Variants in PLCL2 observed in about 807,000 individuals in gnomAD.
PLCL2 encodes the protein phospholipase C like 2, also known as inactive phospholipase C-like protein 2.
Under a neutral mutation model 79.6 loss-of-function variants are expected in PLCL2, and 4 were observed. The ratio of observed to expected loss-of-function variants is 0.05; its 90% CI spans 0.02 to 0.11. PLCL2 has a LOEUF of 0.11. Among genes scored for constraint, PLCL2 ranks in the 10% least tolerant of loss-of-function variants. The pLI, the probability that PLCL2 is intolerant of heterozygous loss-of-function variation, is 1.00. For synonymous variants in PLCL2, 484 were observed against 457.7 expected (o/e 1.06, Z -0.73); for missense variants, 895 against 1,291.0 (o/e 0.69, Z 4.70).
chr3:16,946,685 G>GTT (rs1479938974), intron 1 of PLCL2, among the ~76,000 whole-genome samples: 2 of 151,896 alleles, frequency 1.3e-5, no homozygotes, highest in African/African-American at 4.8e-5. Flanking sequence ...ATTTTGTTTT[G>GTT]TTTTTTCATT....
intron 1 of PLCL2, among the ~76,000 whole-genome samples, chr3:16,895,106 C>A (rs150436256): frequency 0.017 from 2,456 of 141,192 alleles, 80 homozygotes; most frequent in African/African-American, 0.058. Flanking sequence ...GTATCTATAT[C>A]GATATAGATA....
At chr3:16,912,783 T>C (rs990666740) in intron 1 of PLCL2, among the ~76,000 whole-genome samples, 1 of 152,246 alleles carries the variant, frequency 6.6e-6, no homozygotes, top group East Asian at 1.9e-4. Flanking sequence ...GTTAGATCTA[T>C]AAATAATGCA....
intron 1 of PLCL2, among the ~76,000 whole-genome samples, chr3:16,920,420 A>G (rs1195903295): frequency 6.6e-6 from 1 of 152,172 alleles, no homozygotes; most frequent in African/African-American, 2.4e-5. Flanking sequence ...CCACATAAAT[A>G]TTTAAAGTTA....
intron 1 of PLCL2, among the ~76,000 whole-genome samples, chr3:17,008,333 G>T (rs575244779): frequency 1.1e-4 from 17 of 150,346 alleles, no homozygotes; most frequent in African/African-American, 4.2e-4. Flanking sequence ...ACTTTGGAGA[G>T]AGGAATTTCT....
intron 1 of PLCL2, among the ~76,000 whole-genome samples, chr3:16,946,950 A>G (rs1235266275): frequency 2.6e-5 from 2 of 76,996 alleles, no homozygotes; most frequent in African/African-American, 1.1e-4. Flanking sequence ...TTAAAGTTTC[A>G]TTCTTTTTTT....
intron 3 of PLCL2, among the ~76,000 whole-genome samples, chr3:17,041,123 G>A (rs2064716947): frequency 6.6e-6 from 1 of 152,106 alleles, no homozygotes; most frequent in African/African-American, 2.4e-5. Flanking sequence ...TGGTACAAAC[G>A]ACTTTATATC....
intron 1 of PLCL2, among the ~76,000 whole-genome samples, chr3:16,893,642 T>C (rs191493240): frequency 6.6e-6 from 1 of 152,358 alleles, no homozygotes; most frequent in East Asian, 1.9e-4. Context: ...ATGGTTGAAT[T>C]CATTTATTTG....
chr3:16,934,074 C>T (rs1016306532), intron 1 of PLCL2, among the ~76,000 whole-genome samples: 7 of 151,980 alleles, frequency 4.6e-5, no homozygotes, highest in Admixed American at 6.6e-5. Flanking sequence ...CAAAAACAAA[C>T]GAACAAAAAA....
chr3:16,889,270 C>T (rs1013105717), intron 1 of PLCL2, among the ~76,000 whole-genome samples: 2 of 152,076 alleles, frequency 1.3e-5, no homozygotes, highest in African/African-American at 2.4e-5. Context: ...ACTTGTATCC[C>T]GCTTGGGTAT....
chr3:17,024,091 A>C (rs531710718), intron 3 of PLCL2, among the ~76,000 whole-genome samples: 114 of 152,326 alleles, frequency 7.5e-4, no homozygotes, highest in African/African-American at 2.4e-3. Context: ...CAAGAGGTAG[A>C]GTTAGAAGTA....
intron 3 of PLCL2, among the ~76,000 whole-genome samples, chr3:17,030,890 A>G (rs1406074061): frequency 1.3e-5 from 2 of 152,200 alleles, no homozygotes; most frequent in Non-Finnish European, 1.5e-5. Flanking sequence ...TTTCTAAATC[A>G]CCTTCATCCC....
At chr3:16,981,686 G>A (rs570549683) in intron 1 of PLCL2, among the ~76,000 whole-genome samples, 2 of 152,310 alleles carry the variant, frequency 1.3e-5, no homozygotes, top group Admixed American at 1.3e-4. Context: ...AAAAGTAGTT[G>A]TGGTCCACTT....
At position 16,885,178 on chromosome 3, in the gene PLCL2, G is replaced by A. The variant is rs1475775252; in HGVS notation, c.139G>A (p.Ala47Thr). ...GGGGRLGHGR[A>T]RYDSGGVSNG... ...GGGAGGTCGCCTCGGCCACGGGCGG[G>A]CGCGCTATGACAGCGGCGGGGTTTC... The change falls in exon 1 of 6, where the codon GCG (alanine) becomes ACG (threonine). Residue 47 changes from alanine (A) to threonine (T), a missense_variant. Ala to Thr is a moderately conservative substitution (Grantham distance 58). Around this residue, in one of 6 missense-constraint regions of PLCL2, gnomAD observed 110 missense variants for 42.9 expected, o/e 2.56. Transcript: ENST00000615277. 3 of 569,338 alleles carry A rather than the reference G, an allele frequency of 5.3e-6. No homozygotes were observed. Among genetic ancestry groups the A allele is most frequent in the East Asian group, 6.9e-5 (2 of 28,998 alleles). 35.3% of individuals were successfully genotyped at this position (569,338 alleles called of 1,614,324 possible).
intron 1 of PLCL2, among the ~76,000 whole-genome samples, chr3:16,952,734 A>T (rs1365938906): frequency 3.3e-5 from 5 of 151,990 alleles, no homozygotes; most frequent in African/African-American, 9.7e-5. Context: ...ATATAATTTA[A>T]TTTTTTCTTT....
Position 17,010,732 on chromosome 3 carries a change from T to G in PLCL2, c.1386T>G (p.Ala462=). ...GPSDITGYIR[A]LKMGCRSVEL... The stretch of plus-strand genomic sequence containing the variant: ...CCGACATCACAGGATATATTCGAGC[T>G]CTTAAAATGGGTTGCCGGAGTGTTG... The change falls in exon 2 of 6, where the codon GCT becomes GCG. Residue 462 remains alanine (A), a synonymous_variant. Transcript: ENST00000615277. The surrounding 1 kb of genome is among the most constrained non-coding windows in gnomAD (Gnocchi z 5.8). 1 of 1,614,152 alleles carries G rather than the reference T, an allele frequency of 6.2e-7. No individual in the cohort carries two copies. The highest frequency in any genetic ancestry group is 8.5e-7 in the Non-Finnish European group (1 of 1,180,012).
chr3:17,026,843 G>T (rs1300240721), intron 3 of PLCL2, among the ~76,000 whole-genome samples: 1 of 151,858 alleles, frequency 6.6e-6, no homozygotes, highest in Non-Finnish European at 1.5e-5. Context: ...CTCCAGTCTG[G>T]GTGACAGACT....
chr3:16,943,708 C>G (rs2063575743), intron 1 of PLCL2, among the ~76,000 whole-genome samples: 1 of 152,132 alleles, frequency 6.6e-6, no homozygotes, highest in Admixed American at 6.5e-5. Context: ...GATATCCATC[C>G]ATGTAATCAG....
chr3:16,902,182 T>C (rs567024055), intron 1 of PLCL2, among the ~76,000 whole-genome samples: 45 of 152,366 alleles, frequency 3.0e-4, no homozygotes, highest in Non-Finnish European at 5.4e-4. Context: ...TCTGAAGTTA[T>C]TTAGTTTGGC....
chr3:16,902,453 A>G (rs1418832052), intron 1 of PLCL2, among the ~76,000 whole-genome samples: 5 of 152,236 alleles, frequency 3.3e-5, no homozygotes, highest in Non-Finnish European at 7.3e-5. Flanking sequence ...TTAAAATTAA[A>G]CAAGTGCATG....
Sources: allele counts gnomAD v4.1 joint callset (sites outside exome capture counted in the v4.1 genomes callset), GRCh38; gene constraint gnomAD v4.1.1; regional missense constraint gnomAD v4.1.1; non-coding constraint Gnocchi (gnomAD v3.1); transcripts MANE v1.5; gene names NCBI Gene and HGNC (gene_info 2026-07-23, HGNC 2026-07-21).